The following GORASP2 variants were observed in gnomAD, a reference collection of about 807,000 sequenced individuals.
The protein encoded by GORASP2 is golgi reassembly stacking protein 2.
A neutral mutation model predicts 45.7 loss-of-function variants in GORASP2; 22 were observed. The ratio of observed to expected loss-of-function variants is 0.48; its 90% CI spans 0.34 to 0.69. The LOEUF (loss-of-function observed/expected upper bound fraction) is 0.69, where lower values mean the gene tolerates loss of function less well. Ranked by LOEUF, GORASP2 falls within the 30% of genes least tolerant of loss-of-function variation. The pLI, the probability that GORASP2 is intolerant of heterozygous loss-of-function variation, is 0.01. For missense variants in GORASP2, 491 were observed against 562.7 expected (o/e 0.87, Z 1.29); for synonymous variants, 221 against 215.6 (o/e 1.02, Z -0.22).
Position 170,950,259 on chromosome 2 carries a change from A to T in GORASP2, c.404A>T (p.Tyr135Phe). ...GCAGGTCTTAGACCACACAGTGATT[A>T]TATAATTGGAGCAGATACAGTCATG... ...ALAGLRPHSD[Y>F]IIGADTVMNE... Residue 135 changes from tyrosine (Y) to phenylalanine (F), a missense_variant, in exon 4 of 10, where the codon TAT (tyrosine) becomes TTT (phenylalanine). By Grantham distance (22) the Tyr-to-Phe change is conservative. Transcript: ENST00000234160. 6.4e-7 allele frequency: 1 copy of T among 1,572,898 alleles called. No homozygotes were observed. Among genetic ancestry groups the T allele is most frequent in the Non-Finnish European group, 8.7e-7 (1 of 1,153,172 alleles).
intron 1 of GORASP2, chr2:170,929,698 T>G: frequency 1.6e-6 from 1 of 612,944 alleles, no homozygotes; most frequent in Non-Finnish European, 3.1e-6. Flanking sequence ...CTTGCTCTTT[T>G]TCCGCACGGC....
chr2:170,960,077 T>C (rs13422667), intron 7 of GORASP2, among the ~76,000 whole-genome samples: 2,827 of 152,206 alleles, frequency 0.019, 76 homozygotes, highest in African/African-American at 0.057. Context: ...TACCTCAGCT[T>C]CCCAAAGTGC....
chr2:170,946,694 G>A (rs917278825), intron 1 of GORASP2, among the ~76,000 whole-genome samples: 1 of 151,276 alleles, frequency 6.6e-6, no homozygotes, highest in African/African-American at 2.4e-5. Flanking sequence ...CACATTGGGA[G>A]GCCGAGGCGG....
intron 1 of GORASP2, among the ~76,000 whole-genome samples, chr2:170,939,047 G>T (rs1018981199): frequency 6.6e-6 from 1 of 152,146 alleles, no homozygotes; most frequent in Non-Finnish European, 1.5e-5. Flanking sequence ...AGGTCACAGA[G>T]CAAGTTTTCT....
intron 1 of GORASP2, chr2:170,936,734 T>G (rs1228130632): frequency 1.1e-6 from 1 of 904,988 alleles, no homozygotes; most frequent in Non-Finnish European, 1.6e-6. Context: ...TGAGGTGAGG[T>G]GGGGGCCCAA....
intron 1 of GORASP2, among the ~76,000 whole-genome samples, chr2:170,937,220 A>ATT (rs1246889876): frequency 6.6e-6 from 1 of 151,768 alleles, no homozygotes; most frequent in Non-Finnish European, 1.5e-5. Context: ...AAAAAAAAAA[A>ATT]TTTTTAGAGA....
At chr2:170,960,021 A>G (rs6760293) in intron 7 of GORASP2, among the ~76,000 whole-genome samples, 1 of 151,690 alleles carries the variant, frequency 6.6e-6, no homozygotes, top group Non-Finnish European at 1.5e-5. Flanking sequence ...GGGTTTCACC[A>G]TGTTTTCCAA....
chr2:170,932,826 A>C (rs551078571), intron 1 of GORASP2, among the ~76,000 whole-genome samples: 1 of 152,362 alleles, frequency 6.6e-6, no homozygotes, highest in African/African-American at 2.4e-5. Context: ...ATATGGCCAA[A>C]AGTTATCTTA....
chr2:170,942,630 C>T (rs954609266), intron 1 of GORASP2, among the ~76,000 whole-genome samples: 2 of 152,102 alleles, frequency 1.3e-5, no homozygotes, highest in African/African-American at 2.4e-5. Context: ...GCTGTTTCTA[C>T]GTTAGGGATA....
intron 1 of GORASP2, among the ~76,000 whole-genome samples, chr2:170,930,198 G>A (rs964048950): frequency 4.6e-5 from 7 of 152,192 alleles, no homozygotes; most frequent in Admixed American, 2.6e-4. Context: ...GAGAAACATA[G>A]TATCTCAAAA....
At chr2:170,961,825 ATAT>A (rs1704568625) in intron 8 of GORASP2, 76 bp downstream of exon 8, 1 of 832,844 alleles carries the variant, frequency 1.2e-6, no homozygotes, top group Non-Finnish European at 2.1e-6. Flanking sequence ...ACAATGAAAA[ATAT>A]TATACCTGTG....
chr2:170,931,300 C>G (rs762307957), intron 1 of GORASP2, among the ~76,000 whole-genome samples: 1 of 152,188 alleles, frequency 6.6e-6, no homozygotes, highest in Non-Finnish European at 1.5e-5. Context: ...AATTTTGTGT[C>G]TGCCTTCCTA....
intron 5 of GORASP2, among the ~76,000 whole-genome samples, chr2:170,953,032 T>G (rs1220041812): frequency 6.6e-6 from 1 of 152,140 alleles, no homozygotes; most frequent in African/African-American, 2.4e-5. Context: ...AATTGTGAGA[T>G]GAAGCATCAT....
At chr2:170,929,792 G>T (rs1199865151) in intron 1 of GORASP2, 1 of 482,134 alleles carries the variant, frequency 2.1e-6, no homozygotes, top group Non-Finnish European at 4.2e-6. Flanking sequence ...TGGTGACTGT[G>T]AAGGCAGCCT....
intron 1 of GORASP2, among the ~76,000 whole-genome samples, chr2:170,942,658 A>G (rs1388553919): frequency 1.3e-5 from 2 of 152,208 alleles, no homozygotes; most frequent in South Asian, 2.1e-4. Flanking sequence ...TAATGCTGCT[A>G]TAAAATTTGT....
intron 7 of GORASP2, among the ~76,000 whole-genome samples, chr2:170,957,702 G>A (rs1483189659): frequency 1.3e-5 from 2 of 152,190 alleles, no homozygotes; most frequent in Non-Finnish European, 2.9e-5. Context: ...CCTGCTTAAA[G>A]TATACAATCC....
chr2:170,959,522 G>C (rs2723228), intron 7 of GORASP2, among the ~76,000 whole-genome samples: 4,920 of 152,168 alleles, frequency 0.032, 278 homozygotes, highest in African/African-American at 0.11. Context: ...AATTTAAAAA[G>C]ACTAAAATGT....
intron 1 of GORASP2, among the ~76,000 whole-genome samples, chr2:170,947,691 AATTGCTTGAATTTG>A (rs1257890619): frequency 6.6e-6 from 1 of 152,122 alleles, no homozygotes; most frequent in African/African-American, 2.4e-5. Context: ...GTCAAGGAAT[AATTGCTTGAATTTG>A]TCACTTAATT....
intron 1 of GORASP2, among the ~76,000 whole-genome samples, chr2:170,944,312 G>A (rs928525361): frequency 6.6e-6 from 1 of 152,006 alleles, no homozygotes; most frequent in Non-Finnish European, 1.5e-5. Flanking sequence ...GGTATATGAG[G>A]GTCAAAGAGA....
Sources: gnomAD v4.1 joint callset for allele counts (sites outside exome capture counted in the v4.1 genomes callset) on GRCh38, gnomAD v4.1.1 for gene constraint, MANE v1.5 for transcripts, NCBI Gene and HGNC (gene_info 2026-07-23, HGNC 2026-07-21) for gene names.